CCDC116: variants seen among roughly 807,000 people sequenced by gnomAD.
CCDC116 encodes the protein coiled-coil domain containing 116, also known as coiled-coil domain-containing protein 116.
CCDC116 carries 24 observed loss-of-function variants against 29.4 expected under a neutral mutation model. The ratio of observed to expected loss-of-function variants is 0.82; its 90% CI spans 0.59 to 1.15. The LOEUF (loss-of-function observed/expected upper bound fraction) is 1.15, where lower values mean the gene tolerates loss of function less well. Among genes scored for constraint, CCDC116 ranks in the 50% most tolerant of loss-of-function variants. The probability of loss-of-function intolerance (pLI) is 0.00; values close to 1 mark genes in which losing one functional copy is unlikely to be tolerated. For missense variants in CCDC116, 791 were observed against 804.0 expected, an observed-to-expected ratio of 0.98 and a Z score of 0.20; for synonymous variants, 298 against 331.4, an observed-to-expected ratio of 0.90 and a Z score of 1.10.
Position 21,636,627 on chromosome 22 carries a change from C to T in CCDC116, c.1399C>T (p.Pro467Ser), listed in dbSNP as rs562050241. Residue 467 changes from proline to serine, a missense_variant, in exon 5 of 5, where the codon CCC becomes TCC. Pro to Ser is a moderately conservative substitution (Grantham distance 74). Transcript: ENST00000292779. Reference protein sequence around the residue: ...LSKQLGFFSFPITHVLRDLSL... With the variant: ...LSKQLGFFSFSITHVLRDLSL... The stretch of plus-strand genomic sequence containing the variant: ...TAAGCAGCTGGGCTTCTTCTCCTTC[C>T]CCATCACCCACGTGCTCAGGGACCT... 3 of 1,614,136 alleles carry T rather than the reference C, an allele frequency of 1.9e-6. No individual in the cohort carries two copies. The highest frequency in any genetic ancestry group is 3.3e-5 in the Admixed American group (2 of 60,020).
At chr22:21,634,634 C>T (rs368704019) in intron 3 of CCDC116, 51 bp from the exon 4 acceptor site, 24 of 1,568,672 alleles carry the variant, frequency 1.5e-5, no homozygotes, top group Non-Finnish European at 1.9e-5. Context: ...CTAGGGTCAG[C>T]CCTGGCTTGG....
intron 4 of CCDC116, among the ~76,000 whole-genome samples, chr22:21,636,142 C>T (rs1388388382): frequency 6.6e-6 from 1 of 152,230 alleles, no homozygotes; most frequent in Non-Finnish European, 1.5e-5. Context: ...TCAGATTAGC[C>T]TTACCCTGTG....
In CCDC116 at chr22:21,637,146, C is replaced by T. The variant is rs1037672294; in HGVS notation, c.*76C>T. The T allele has an allele frequency of 2.7e-6, 4 of 1,470,438 alleles. No individual in the cohort carries two copies. The highest frequency in any genetic ancestry group is 3.6e-6 in the Non-Finnish European group (4 of 1,111,058). 91.1% of individuals were successfully genotyped at this position (1,470,438 alleles called of 1,614,324 possible). A position where few individuals can be genotyped will look rare whatever the true frequency, so the allele number is the denominator to read the frequency against. ...GGGCCACGGTGACCCACCATGAAGT[C>T]CCCACTAGCCACTCGATTCCCTGCT... On this transcript the variant is annotated 3_prime_UTR_variant, in exon 5 of 5. Transcript: ENST00000292779.
Position 21,637,140 on chromosome 22 carries a change from T to G in CCDC116, c.*70T>G. On this transcript the variant is annotated 3_prime_UTR_variant, in exon 5 of 5. Coordinates refer to ENST00000292779, the MANE Select transcript of CCDC116 (RefSeq NM_152612.3). ...GGACGTGGGCCACGGTGACCCACCA[T>G]GAAGTCCCCACTAGCCACTCGATTC... 3.4e-6 allele frequency: 5 copies of G among 1,485,942 alleles called. No individual in the cohort carries two copies. The highest frequency in any genetic ancestry group is 3.6e-6 in the Non-Finnish European group (4 of 1,117,548). The allele number at this position is 1,485,942 out of a possible 1,614,324, so 92.0% of individuals were successfully genotyped here.
At position 21,636,711 on chromosome 22, in the gene CCDC116, C is replaced by G. The variant is rs202055808; in HGVS notation, c.1483C>G (p.Arg495Gly). ...CATCCACCTGTCCTCGGAGACCCAC[C>G]GGAGCTGCCTGCTGCGTAAACTGGA... ...SRIHLSSETH[R>G]SCLLRKLEES... Residue 495 changes from arginine (R) to glycine (G), a missense_variant, in exon 5 of 5, where the codon CGG becomes GGG. Arg to Gly is a moderately radical substitution (Grantham distance 125, BLOSUM62 -2). Coordinates refer to ENST00000292779, the MANE Select transcript of CCDC116 (RefSeq NM_152612.3). The G allele has an allele frequency of 1.2e-6, 2 of 1,613,540 alleles. No homozygotes were observed. Among genetic ancestry groups the G allele is most frequent in the South Asian group, 2.2e-5 (2 of 91,084 alleles).
chr22:21,634,391 A>G lies in CCDC116; in HGVS notation c.442A>G (p.Asn148Asp). ...VRPTLCTGHPNNYPSSSSSMS... is the reference protein window; with the variant it reads ...VRPTLCTGHPDNYPSSSSSMS... The stretch of plus-strand genomic sequence containing the variant: ...GCCGACCCTCTGCACTGGACACCCC[A>G]ACAACTACCCATCCAGCTCCAGCTC... The change falls in exon 3 of 5, where the codon AAC becomes GAC. Residue 148 changes from asparagine (N) to aspartate (D), a missense_variant. Physicochemically the swap from Asn to Asp is conservative, Grantham distance 23 (BLOSUM62 1). Coordinates refer to ENST00000292779, the MANE Select transcript of CCDC116 (RefSeq NM_152612.3). 1 of 1,614,068 alleles carries G rather than the reference A, an allele frequency of 6.2e-7. No individual in the cohort carries two copies. The highest frequency in any genetic ancestry group is 8.5e-7 in the Non-Finnish European group (1 of 1,180,008).
chr22:21,632,894 G>A (rs1383391213), intron 1 of CCDC116, 67 bp downstream of exon 1: 7 of 562,852 alleles, frequency 1.2e-5, no homozygotes, highest in African/African-American at 3.7e-5. Flanking sequence ...AGGGCGGGTC[G>A]AGCACACGCA....
In CCDC116 at chr22:21,636,509, C is replaced by T. The variant is rs1930807141; in HGVS notation, c.1281C>T (p.Phe427=). Residue 427 remains phenylalanine, a synonymous_variant, in exon 5 of 5, where the codon TTC becomes TTT. Transcript: ENST00000292779. ...SISSKSSMSH[F]SNRLYEELAD... ...CGTCGAAGTCCAGCATGTCTCACTT[C>T]TCCAACCGCCTTTATGAGGAGCTCG... 2 of 1,614,060 alleles carry T rather than the reference C, an allele frequency of 1.2e-6. No homozygotes were observed. The highest frequency in any genetic ancestry group is 4.5e-5 in the East Asian group (2 of 44,886).
rs778817130 is a variant in CCDC116, at chr22:21,637,011, G to A, written c.1783G>A (p.Asp595Asn). 2 of 1,613,478 alleles carry A rather than the reference G, an allele frequency of 1.2e-6. No individual in the cohort carries two copies. The highest frequency in any genetic ancestry group is 1.7e-6 in the Non-Finnish European group (2 of 1,180,034). The change falls in exon 5 of 5, where the codon GAT becomes AAT. Residue 595 changes from aspartate to asparagine, a missense_variant. Asp to Asn is a conservative substitution (Grantham distance 23). Transcript: ENST00000292779. Reference protein sequence around the residue: ...GRDKAEIEDEDEDEFKDEDQD... With the variant: ...GRDKAEIEDENEDEFKDEDQD... ...TGATAAAGCCGAGATTGAAGATGAA[G>A]ATGAGGATGAGTTCAAGGATGAAGA...
In CCDC116 at chr22:21,634,783, C is replaced by G; in HGVS notation, c.720C>G (p.Ser240=). ...AGTGGACACAGGAGCAGCCCTTGTC[C>G]TGGTTCTCAGGGCTGCTGGGCTCAA... ...SFQWTQEQPL[S]WFSGLLGSSS... Residue 240 remains serine (S), a synonymous_variant, in exon 4 of 5, where the codon TCC becomes TCG. Transcript: ENST00000292779. The G allele has an allele frequency of 6.2e-7, 1 of 1,614,030 alleles. No homozygotes were observed.
chr22:21,636,693 C>G lies in CCDC116; in HGVS notation c.1465C>G (p.Leu489Val). 6.2e-7 allele frequency: 1 copy of G among 1,613,802 alleles called. No homozygotes were observed. Among genetic ancestry groups the G allele is most frequent in the Non-Finnish European group, 8.5e-7 (1 of 1,180,026 alleles). The change falls in exon 5 of 5, where the codon CTG (leucine) becomes GTG (valine). Residue 489 changes from leucine to valine, a missense_variant. By Grantham distance (32) the Leu-to-Val change is conservative (BLOSUM62 1). Transcript: ENST00000292779. The part of the protein sequence containing the change: ...LKKVKGSRIH[L>V]SSETHRSCLL... ...GAAGGTAAAAGGCTCCCGCATCCACCTGTCCTCGGAGACCCACCGGAGCTG... is the reference window on the plus strand; with the variant it reads ...GAAGGTAAAAGGCTCCCGCATCCACGTGTCCTCGGAGACCCACCGGAGCTG...
At chr22:21,636,390 A>G (rs750134845) in intron 4 of CCDC116, 42 bp from the exon 5 acceptor site, 5 of 1,564,450 alleles carry the variant, frequency 3.2e-6, no homozygotes, top group Non-Finnish European at 4.3e-6. Context: ...TGGGGCTGGC[A>G]GGTGTGACAT....
rs762484976 is a variant in CCDC116 at position 21,634,463 on chromosome 22, C to T, written c.514C>T (p.His172Tyr). 9.3e-6 allele frequency: 15 copies of T among 1,614,204 alleles called. No homozygotes were observed. Among genetic ancestry groups the T allele is most frequent in the African/African-American group, 1.3e-5 (1 of 75,060 alleles). ...CCTCATGGCCGGCTGTCTGGGCTCC[C>T]ACAGCCGGGACAGTGACCTAGGTGC... The part of the protein sequence containing the change: ...SSLMAGCLGS[H>Y]SRDSDLGAQG... Residue 172 changes from histidine to tyrosine, a missense_variant, in exon 3 of 5, where the codon CAC becomes TAC. Coordinates refer to ENST00000292779, the MANE Select transcript of CCDC116 (RefSeq NM_152612.3).
Position 21,635,161 on chromosome 22 carries a change from C to T in CCDC116, c.1098C>T (p.Pro366=), listed in dbSNP as rs758843817. The T allele has an allele frequency of 6.2e-7, 1 of 1,601,806 alleles. No homozygotes were observed. The highest frequency in any genetic ancestry group is 1.1e-5 in the South Asian group (1 of 91,074). The change falls in exon 4 of 5, where the codon CCC becomes CCT. Residue 366 remains proline (P), a synonymous_variant. Transcript: ENST00000292779. Reference sequence around the variant, plus strand: ...ATGGCGGGCAGCCCTATGCTTCCCCCCGCCCCACAGTCTCCAGCCCCAAGA... The same window carrying T: ...ATGGCGGGCAGCCCTATGCTTCCCCTCGCCCCACAGTCTCCAGCCCCAAGA... ...PTNGGQPYAS[P]RPTVSSPKML... is the part of the protein sequence containing the mutation.
chr22:21,636,658 T>C lies in CCDC116; in HGVS notation c.1430T>C (p.Leu477Pro). The C allele has an allele frequency of 3.1e-6, 5 of 1,614,096 alleles. No homozygotes were observed. The highest frequency in any genetic ancestry group is 3.4e-6 in the Non-Finnish European group (4 of 1,180,026). Residue 477 changes from leucine to proline, a missense_variant, in exon 5 of 5, where the codon CTG becomes CCG. Coordinates refer to ENST00000292779, the MANE Select transcript of CCDC116 (RefSeq NM_152612.3). Reference protein sequence around the residue: ...PITHVLRDLSLGLKKVKGSRI... With the variant: ...PITHVLRDLSPGLKKVKGSRI... ...ACCCACGTGCTCAGGGACCTTTCCC[T>C]GGGCTTAAAGAAGGTAAAAGGCTCC...
chr22:21,635,502 C>T, intron 4 of CCDC116: 1 of 703,154 alleles, frequency 1.4e-6, no homozygotes, highest in Admixed American at 2.0e-5. Flanking sequence ...TCCCCCTACC[C>T]CCGCTCTTCC....
chr22:21,633,984 G>T, intron 2 of CCDC116, 38 bp from the exon 3 acceptor site: 1 of 1,555,618 alleles, frequency 6.4e-7, no homozygotes. Context: ...TTCACCTGTA[G>T]GGCACCCCTG....
At chr22:21,635,913 C>G (rs1930782779) in intron 4 of CCDC116, 1 of 440,364 alleles carries the variant, frequency 2.3e-6, no homozygotes, top group Non-Finnish European at 4.0e-6. Flanking sequence ...CCTCCTAGGT[C>G]TAGCTCCCTT....
Position 21,636,976 on chromosome 22 carries a change from A to G in CCDC116, c.1748A>G (p.Asn583Ser). 3 of 1,613,768 alleles carry G rather than the reference A, an allele frequency of 1.9e-6. No homozygotes were observed. The highest frequency in any genetic ancestry group is 1.7e-6 in the Non-Finnish European group (2 of 1,180,042). ...CCCCCCAAGTCCAAGGACATGGACA[A>G]TGAGGGCCGTGATAAAGCCGAGATT... ...SSPPKSKDMD[N>S]EGRDKAEIED... is the part of the protein sequence containing the mutation. The change falls in exon 5 of 5, where the codon AAT becomes AGT. Residue 583 changes from asparagine to serine, a missense_variant. Physicochemically the swap from Asn to Ser is conservative, Grantham distance 46 (BLOSUM62 1). Transcript: ENST00000292779.
Sources: gnomAD v4.1 joint callset for allele counts (sites outside exome capture counted in the v4.1 genomes callset) on GRCh38, gnomAD v4.1.1 for gene constraint, MANE v1.5 for transcripts, NCBI Gene and HGNC (gene_info 2026-07-23, HGNC 2026-07-21) for gene names.